Variants in EFHC1 observed in about 807,000 individuals in gnomAD.
EFHC1 encodes EF-hand domain containing 1, also known as EF-hand domain-containing protein 1.
A neutral mutation model predicts 69.9 loss-of-function variants in EFHC1; 53 were observed. That is an observed-to-expected ratio of 0.76 (90% CI 0.61 to 0.95). The LOEUF is 0.95. EFHC1 is among the 40% of genes least tolerant of loss of function. The pLI is 0.00. For synonymous variants in EFHC1, 256 were observed against 278.4 expected, an observed-to-expected ratio of 0.92 and a Z score of 0.80; for missense variants, 739 against 798.7, an observed-to-expected ratio of 0.93 and a Z score of 0.90.
intron 6 of EFHC1, chr6:52,469,055 G>A (rs1301160228): frequency 2.3e-6 from 1 of 439,292 alleles, no homozygotes; most frequent in Admixed American, 3.6e-5. Flanking sequence ...TCCTGCTTTT[G>A]TAGTAAGGGG....
At chr6:52,434,598 C>G (rs1327155023) in intron 2 of EFHC1, among the ~76,000 whole-genome samples, 1 of 152,068 alleles carries the variant, frequency 6.6e-6, no homozygotes, top group African/African-American at 2.4e-5. Flanking sequence ...TCTCTGCTTA[C>G]CTAATTTATT....
chr6:52,492,141 A>G, intron 10 of EFHC1, 129 bp from the exon 11 acceptor site: 1 of 785,550 alleles, frequency 1.3e-6, no homozygotes, highest in Non-Finnish European at 2.2e-6. Context: ...TTCAGAATCA[A>G]CTTGAGGATA....
chr6:52,436,442 A>G (rs566925806), intron 2 of EFHC1, among the ~76,000 whole-genome samples: 11 of 151,526 alleles, frequency 7.3e-5, no homozygotes, highest in Non-Finnish European at 1.6e-4. Flanking sequence ...ATCAAGCCAT[A>G]TTTCTGTTTC....
At position 52,495,411 on chromosome 6, in the gene EFHC1, C is replaced by T. The variant is rs537136974; in HGVS notation, c.*3070C>T. On this transcript the variant is annotated 3_prime_UTR_variant, in exon 11 of 11. Transcript: ENST00000371068. ...GATATTTTCTCCATCACTCTTGCCT[C>T]CTGTGGTAGAGGAGCTTTGGGCTAC... The T allele has an allele frequency of 1.4e-4, 64 of 454,120 alleles. 1 individual carries two copies. Among genetic ancestry groups the T allele is most frequent in the South Asian group, 9.5e-4 (61 of 64,472 alleles). 28.1% of individuals were successfully genotyped at this position (454,120 alleles called of 1,614,324 possible). A position where few individuals can be genotyped will look rare whatever the true frequency, so the allele number is the denominator to read the frequency against.
At chr6:52,431,368 T>G (rs565306761) in intron 2 of EFHC1, among the ~76,000 whole-genome samples, 1 of 152,292 alleles carries the variant, frequency 6.6e-6, no homozygotes, top group East Asian at 1.9e-4. Context: ...AGCACTGCCT[T>G]TGCTGTATCC....
intron 4 of EFHC1, chr6:52,453,107 A>G: frequency 6.9e-7 from 1 of 1,440,816 alleles, no homozygotes; most frequent in Non-Finnish European, 9.2e-7. Flanking sequence ...GCAATTCCTG[A>G]GCTACATCTG....
At chr6:52,487,616 G>A (rs1389492465) in intron 9 of EFHC1, 1 of 152,052 alleles carries the variant, frequency 6.6e-6, no homozygotes, top group Non-Finnish European at 1.5e-5. Context: ...TTGCTTATCT[G>A]TCTCATTTTC....
At chr6:52,427,616 T>A (rs1764329985) in intron 2 of EFHC1, among the ~76,000 whole-genome samples, 1 of 152,076 alleles carries the variant, frequency 6.6e-6, no homozygotes, top group African/African-American at 2.4e-5. Context: ...TGTTTAGTGT[T>A]TATCTGTCCC....
chr6:52,469,625 T>A, intron 7 of EFHC1, 152 bp downstream of exon 7: 2 of 1,106,156 alleles, frequency 1.8e-6, no homozygotes, highest in Non-Finnish European at 2.6e-6. Flanking sequence ...TCAGGGAGGT[T>A]GGATAGTATT....
chr6:52,479,451 A>G (rs998818766), intron 8 of EFHC1, among the ~76,000 whole-genome samples, 189 bp from the exon 9 acceptor site: 3 of 152,228 alleles, frequency 2.0e-5, no homozygotes, highest in Admixed American at 2.0e-4. Flanking sequence ...TGTTGGCTAC[A>G]GATGTCGACA....
At chr6:52,488,045 A>G (rs1392968997) in intron 9 of EFHC1, 1 of 152,224 alleles carries the variant, frequency 6.6e-6, no homozygotes, top group Non-Finnish European at 1.5e-5. Context: ...AGCAGATGCC[A>G]TGGGTATTTT....
intron 7 of EFHC1, among the ~76,000 whole-genome samples, chr6:52,471,782 C>T (rs550444410): frequency 4.6e-5 from 7 of 152,140 alleles, no homozygotes; most frequent in South Asian, 2.1e-4. Flanking sequence ...ATATGAGAAT[C>T]GCTTGAACCT....
intron 5 of EFHC1, among the ~76,000 whole-genome samples, chr6:52,457,279 C>T (rs977346731): frequency 3.3e-5 from 5 of 152,012 alleles, no homozygotes; most frequent in Admixed American, 6.6e-5. Context: ...TCATGCAGAC[C>T]GAGGTCAGAA....
rs781167987 is a variant in EFHC1 at position 52,424,105 on chromosome 6, G to A, written c.223G>A (p.Gly75Ser). The A allele has an allele frequency of 1.9e-6, 3 of 1,614,116 alleles. No individual in the cohort carries two copies. The South Asian group carries it at 3.3e-5, about 18-fold the overall frequency. Reference sequence around the variant, plus strand: ...CAGTAAGGCACCAGTCTTAACTTATGGCCAACCTAAACAAGCCCCACCTGC... The same window carrying A: ...CAGTAAGGCACCAGTCTTAACTTATAGCCAACCTAAACAAGCCCCACCTGC... ...LASKAPVLTY[G>S]QPKQAPPADF... Residue 75 changes from glycine to serine, a missense_variant, in exon 2 of 11, where the codon GGC (glycine) becomes AGC (serine). Coordinates refer to ENST00000371068, the MANE Select transcript of EFHC1 (RefSeq NM_018100.4).
intron 7 of EFHC1, among the ~76,000 whole-genome samples, chr6:52,470,382 C>A (rs1025528119): frequency 6.6e-6 from 1 of 152,156 alleles, no homozygotes; most frequent in Non-Finnish European, 1.5e-5. Flanking sequence ...CTTTCAGTTA[C>A]TGTTAAAATT....
Position 52,493,348 on chromosome 6 carries a change from C to T in EFHC1, c.*1007C>T, listed in dbSNP as rs1281699845. 4 of 297,524 alleles carry T rather than the reference C, an allele frequency of 1.3e-5. No homozygotes were observed. In the African/African-American group the frequency reaches 1.7e-4, roughly 12 times the overall value. 18.4% of individuals were successfully genotyped at this position (297,524 alleles called of 1,614,324 possible). A position where few individuals can be genotyped will look rare whatever the true frequency, so the allele number is the denominator to read the frequency against. On this transcript the variant is annotated 3_prime_UTR_variant, in exon 11 of 11. Transcript: ENST00000371068. Reference sequence around the variant, plus strand: ...TGTGTGAGCAATTTCTTATAACTCTCTCTTTCTCTCTCTCTACATATATAT... The same window carrying T: ...TGTGTGAGCAATTTCTTATAACTCTTTCTTTCTCTCTCTCTACATATATAT...
intron 2 of EFHC1, among the ~76,000 whole-genome samples, chr6:52,426,427 C>A (rs1764302152): frequency 1.3e-5 from 2 of 152,286 alleles, no homozygotes; most frequent in East Asian, 1.9e-4. Context: ...AGCCTCCCTT[C>A]CTCTTTTCAA....
At chr6:52,484,180 G>A (rs993581873) in intron 9 of EFHC1, 1 of 152,062 alleles carries the variant, frequency 6.6e-6, no homozygotes, top group African/African-American at 2.4e-5. Flanking sequence ...ATGAGTGGAG[G>A]AATTGGCTTC....
intron 5 of EFHC1, among the ~76,000 whole-genome samples, chr6:52,461,656 C>T (rs111353997): frequency 5.9e-5 from 9 of 151,982 alleles, no homozygotes; most frequent in South Asian, 2.1e-4. Flanking sequence ...CTGCTTTCCA[C>T]GGTGTTTGAA....
Sources: gnomAD v4.1 joint callset for allele counts (sites outside exome capture counted in the v4.1 genomes callset) on GRCh38, gnomAD v4.1.1 for gene constraint, MANE v1.5 for transcripts, NCBI Gene and HGNC (gene_info 2026-07-23, HGNC 2026-07-21) for gene names.